PSD3: variants seen among roughly 807,000 people sequenced by gnomAD.
PSD3 encodes pleckstrin and Sec7 domain containing 3.
A neutral mutation model predicts 105.5 loss-of-function variants in PSD3; 49 were observed. That is an observed-to-expected ratio of 0.46 (90% CI 0.37 to 0.59). The LOEUF is 0.59. Among genes scored for constraint, PSD3 ranks in the 20% least tolerant of loss-of-function variants. The pLI, the probability that PSD3 is intolerant of heterozygous loss-of-function variation, is 0.00. For synonymous variants in PSD3, 557 were observed against 457.8 expected (o/e 1.22, Z -2.77); for missense variants, 1,561 against 1,263.8 (o/e 1.24, Z -3.57).
At chr8:18,807,424 G>A (rs1028089907) in intron 4 of PSD3, among the ~76,000 whole-genome samples, 1 of 152,314 alleles carries the variant, frequency 6.6e-6, no homozygotes, top group Non-Finnish European at 1.5e-5. Flanking sequence ...TCTAAGAATA[G>A]GGAAAAGAGA....
At chr8:18,747,148 T>C (rs574790195) in intron 9 of PSD3, among the ~76,000 whole-genome samples, 3 of 152,380 alleles carry the variant, frequency 2.0e-5, no homozygotes, top group East Asian at 1.9e-4. Context: ...CAATTCTTAA[T>C]ACTAACGATT....
chr8:18,556,130 C>A (rs1801054648), intron 15 of PSD3, 79 bp downstream of exon 15: 5 of 1,503,990 alleles, frequency 3.3e-6, no homozygotes, highest in African/African-American at 1.4e-5. Context: ...AGTGACACTG[C>A]AAAGAAAGAT....
intron 15 of PSD3, among the ~76,000 whole-genome samples, chr8:18,554,203 G>A (rs1800937174): frequency 6.6e-6 from 1 of 152,278 alleles, no homozygotes. Context: ...GGTGCTGAGT[G>A]CTGGAAGCAG....
intron 4 of PSD3, among the ~76,000 whole-genome samples, chr8:18,859,937 T>G (rs1473146517): frequency 6.6e-6 from 1 of 152,256 alleles, no homozygotes; most frequent in African/African-American, 2.4e-5. Flanking sequence ...TCAAGAACTT[T>G]TCATTGCATT....
intron 8 of PSD3, 88 bp downstream of exon 8, chr8:18,799,207 G>A (rs148488969): frequency 8.0e-5 from 94 of 1,174,118 alleles, no homozygotes; most frequent in African/African-American, 6.5e-4. Flanking sequence ...AATGGGAAAC[G>A]GGGAGGCAGA....
chr8:19,071,678 G>C (rs1190676468), intron 1 of PSD3, among the ~76,000 whole-genome samples: 1 of 151,904 alleles, frequency 6.6e-6, no homozygotes, highest in Non-Finnish European at 1.5e-5. Flanking sequence ...GAGTTAGTCA[G>C]AATTTTACAG....
At position 18,687,384 on chromosome 8, in the gene PSD3, T is replaced by G. The variant is rs553742487; in HGVS notation, c.2173-31699A>C. Among the ~76,000 whole-genome samples, 301 of 152,190 alleles carry G rather than the reference T, an allele frequency of 2.0e-3. 2 individuals are homozygous for G. The highest frequency in any genetic ancestry group is 7.0e-3 in the African/African-American group (290 of 41,536). On this transcript the variant is annotated intron_variant, in intron 9 of 15. Coordinates refer to ENST00000327040, the MANE Select transcript of PSD3 (RefSeq NM_015310.4). ...GAGAGGCTGGGGTGGGAGGATCACC[T>G]GAGCCCAGGAGGTTGAGGTTGCAGT...
intron 2 of PSD3, among the ~76,000 whole-genome samples, chr8:18,928,657 G>A (rs1260528755): frequency 3.9e-5 from 6 of 152,088 alleles, no homozygotes; most frequent in Non-Finnish European, 8.8e-5. Flanking sequence ...GTCAGTGGGT[G>A]TTCTCTCTCT....
chr8:18,815,599 C>A (rs1812150264), intron 4 of PSD3, among the ~76,000 whole-genome samples: 3 of 152,186 alleles, frequency 2.0e-5, no homozygotes, highest in African/African-American at 7.2e-5. Flanking sequence ...GAGGGAGCCA[C>A]TGCGTCCAGC....
chr8:19,068,571 G>A (rs953697150), intron 1 of PSD3, among the ~76,000 whole-genome samples: 4 of 152,124 alleles, frequency 2.6e-5, no homozygotes, highest in Non-Finnish European at 5.9e-5. Context: ...GATTACATGC[G>A]TGAGCCATTA....
intron 9 of PSD3, among the ~76,000 whole-genome samples, chr8:18,705,118 G>A (rs62495799): frequency 6.6e-6 from 1 of 152,026 alleles, no homozygotes; most frequent in Non-Finnish European, 1.5e-5. Context: ...CAAATAAAAA[G>A]CACAAAAACA....
intron 1 of PSD3, among the ~76,000 whole-genome samples, chr8:19,020,364 A>G (rs1178116230): frequency 6.6e-6 from 1 of 152,078 alleles, no homozygotes; most frequent in Non-Finnish European, 1.5e-5. Context: ...TAAACACCTA[A>G]AGGAGGTGAG....
intron 4 of PSD3, among the ~76,000 whole-genome samples, 170 bp from the exon 5 acceptor site, chr8:18,805,068 A>G (rs1439403538): frequency 6.6e-6 from 1 of 152,230 alleles, no homozygotes; most frequent in African/African-American, 2.4e-5. Flanking sequence ...TTAAAGAACT[A>G]AAGAACAGAT....
Position 18,564,453 on chromosome 8 carries a change from A to G in PSD3, c.2784+8075T>C, listed in dbSNP as rs571767042. ...AGACCAGCCTGGCCAACATGGTGAA[A>G]CCCCGTCTCTACTAAAAATAAACAC... On this transcript the variant is annotated intron_variant, in intron 14 of 15. Transcript: ENST00000327040. 9.7e-4 allele frequency among the ~76,000 whole-genome samples: 147 copies of G among 152,094 alleles called. 1 individual carries two copies. The Middle Eastern group carries it at 0.01, about 11-fold the overall frequency.
intron 9 of PSD3, among the ~76,000 whole-genome samples, chr8:18,671,322 T>C (rs1212431103): frequency 6.6e-6 from 1 of 152,188 alleles, no homozygotes; most frequent in African/African-American, 2.4e-5. Flanking sequence ...GAACTTCAGA[T>C]AAATAATAAC....
At chr8:18,993,718 T>C (rs563313481) in intron 1 of PSD3, among the ~76,000 whole-genome samples, 41 of 152,000 alleles carry the variant, frequency 2.7e-4, no homozygotes, top group Non-Finnish European at 5.2e-4. Context: ...GTAGAAAAAA[T>C]GCTGAGGCTC....
At chr8:19,059,482 C>T (rs1346619941) in intron 1 of PSD3, among the ~76,000 whole-genome samples, 1 of 152,226 alleles carries the variant, frequency 6.6e-6, no homozygotes, top group Non-Finnish European at 1.5e-5. Flanking sequence ...GAACAAGAAA[C>T]TAGCCCCAGC....
intron 1 of PSD3, among the ~76,000 whole-genome samples, chr8:18,943,493 A>T (rs1822682089): frequency 6.6e-6 from 1 of 152,166 alleles, no homozygotes; most frequent in South Asian, 2.1e-4. Flanking sequence ...GACACAGGAG[A>T]CCACAGGAAA....
chr8:18,567,952 A>G (rs1408007701), intron 14 of PSD3, among the ~76,000 whole-genome samples: 1 of 152,208 alleles, frequency 6.6e-6, no homozygotes, highest in Non-Finnish European at 1.5e-5. Flanking sequence ...CGCTTATGAT[A>G]ATGAGGTAGT....
Sources: allele counts gnomAD v4.1 joint callset (sites outside exome capture counted in the v4.1 genomes callset), GRCh38; gene constraint gnomAD v4.1.1; transcripts MANE v1.5; gene names NCBI Gene and HGNC (gene_info 2026-07-23, HGNC 2026-07-21).